GALNTL6: variants seen among roughly 807,000 people sequenced by gnomAD.
GALNTL6 encodes the protein polypeptide N-acetylgalactosaminyltransferase like 6, also known as polypeptide N-acetylgalactosaminyltransferase-like 6.
Under a neutral mutation model 73.7 loss-of-function variants are expected in GALNTL6, and 46 were observed. The ratio of observed to expected loss-of-function variants is 0.62; its 90% CI spans 0.49 to 0.80. The LOEUF (loss-of-function observed/expected upper bound fraction) is 0.80, where lower values mean the gene tolerates loss of function less well. Among genes scored for constraint, GALNTL6 ranks in the 30% least tolerant of loss-of-function variants. The pLI, the probability that GALNTL6 is intolerant of heterozygous loss-of-function variation, is 0.00. For synonymous variants in GALNTL6, 259 were observed against 263.7 expected, an observed-to-expected ratio of 0.98 and a Z score of 0.17; for missense variants, 604 against 755.0, an observed-to-expected ratio of 0.80 and a Z score of 2.34.
At chr4:172,874,872 A>G (rs1250980542) in intron 7 of GALNTL6, among the ~76,000 whole-genome samples, 1 of 152,168 alleles carries the variant, frequency 6.6e-6, no homozygotes, top group Non-Finnish European at 1.5e-5. Flanking sequence ...GTGTGGCTTT[A>G]GCACTCAAGC....
intron 3 of GALNTL6, among the ~76,000 whole-genome samples, chr4:172,266,810 A>C (rs769533334): frequency 3.3e-5 from 5 of 152,120 alleles, no homozygotes; most frequent in Non-Finnish European, 5.9e-5. Context: ...AATAGTGAAC[A>C]CTGTGATCTT....
At chr4:172,774,624 G>A (rs1738965077) in intron 5 of GALNTL6, among the ~76,000 whole-genome samples, 1 of 152,086 alleles carries the variant, frequency 6.6e-6, no homozygotes, top group African/African-American at 2.4e-5. Context: ...GATTTTATCT[G>A]CCAAAATGCC....
chr4:172,714,306 AACACACACACACACACAC>A (rs3084330), intron 5 of GALNTL6, among the ~76,000 whole-genome samples: 2 of 149,276 alleles, frequency 1.3e-5, no homozygotes, highest in South Asian at 2.1e-4. Flanking sequence ...TTTCACACCA[AACACACACACACACACAC>A]ACACACACAC....
intron 5 of GALNTL6, among the ~76,000 whole-genome samples, chr4:172,784,841 T>C (rs1001723190): frequency 8.5e-5 from 13 of 152,170 alleles, no homozygotes; most frequent in African/African-American, 3.1e-4. Flanking sequence ...ACAAACATAA[T>C]TGGGAATGCT....
intron 5 of GALNTL6, among the ~76,000 whole-genome samples, chr4:172,421,241 A>T (rs560468165): frequency 6.6e-6 from 1 of 152,164 alleles, no homozygotes; most frequent in African/African-American, 2.4e-5. Flanking sequence ...TATAATATTG[A>T]ATACATTTGC....
rs568417989 is a variant in GALNTL6, at chr4:171,988,650, C to T, written c.138+173932C>T. On this transcript the variant is annotated intron_variant, in intron 2 of 12. Transcript: ENST00000506823. ...ATTCTGAACTAACCTGTAAGCCTTG[C>T]CTGGTTTTAGGACAGGTAAAATGGG... 6.2e-4 allele frequency among the ~76,000 whole-genome samples: 94 copies of T among 152,156 alleles called. 1 individual carries two copies. In the South Asian group the frequency reaches 0.013, roughly 21 times the overall value.
In GALNTL6 at chr4:171,953,209, G is replaced by A. The variant is rs564116338; in HGVS notation, c.138+138491G>A. On this transcript the variant is annotated intron_variant, in intron 2 of 12. Transcript: ENST00000506823. ...ATAGAATTCTAATCAAAATTAAAAT[G>A]GTGTGCGCATGCGCACGTGTGTGTG... is the stretch of plus-strand genomic sequence containing the variant. 2.0e-5 allele frequency among the ~76,000 whole-genome samples: 3 copies of A among 148,306 alleles called. No individual in the cohort carries two copies. The South Asian group carries it at 6.5e-4, about 32-fold the overall frequency.
At chr4:172,514,110 A>G (rs1022722082) in intron 5 of GALNTL6, among the ~76,000 whole-genome samples, 2 of 152,148 alleles carry the variant, frequency 1.3e-5, no homozygotes, top group Admixed American at 1.3e-4. Context: ...GCTTGCCCTA[A>G]GGTCACCTGG....
intron 2 of GALNTL6, among the ~76,000 whole-genome samples, chr4:171,905,260 C>T (rs1737238691): frequency 6.6e-6 from 1 of 151,884 alleles, no homozygotes; most frequent in African/African-American, 2.4e-5. Context: ...ATCTCACATG[C>T]AGAGACACAC....
chr4:171,853,990 A>G (rs1325826398), intron 2 of GALNTL6, among the ~76,000 whole-genome samples: 2 of 152,152 alleles, frequency 1.3e-5, no homozygotes, highest in Non-Finnish European at 2.9e-5. Flanking sequence ...AGCACTGGAA[A>G]TAAACTAAGA....
intron 5 of GALNTL6, among the ~76,000 whole-genome samples, chr4:172,349,026 T>G (rs1741850063): frequency 6.6e-6 from 1 of 152,170 alleles, no homozygotes; most frequent in South Asian, 2.1e-4. Flanking sequence ...ATATTTGAGT[T>G]AGAACTATAA....
At chr4:172,425,803 AAAACAATTCTACTGAG>A (rs1332286610) in intron 5 of GALNTL6, among the ~76,000 whole-genome samples, 1 of 152,100 alleles carries the variant, frequency 6.6e-6, no homozygotes, top group Non-Finnish European at 1.5e-5. Flanking sequence ...AGAAGAAAAG[AAAACAATTCTACTGAG>A]AAATAATTCT....
intron 5 of GALNTL6, among the ~76,000 whole-genome samples, chr4:172,452,561 G>A (rs1732252231): frequency 2.0e-5 from 3 of 152,160 alleles, no homozygotes; most frequent in Admixed American, 2.0e-4. Flanking sequence ...AATATCTTTT[G>A]TGGATAAAAT....
intron 2 of GALNTL6, among the ~76,000 whole-genome samples, chr4:172,108,521 T>A (rs1732750670): frequency 6.6e-6 from 1 of 152,164 alleles, no homozygotes; most frequent in Non-Finnish European, 1.5e-5. Flanking sequence ...CTACTGAGTT[T>A]TTCAATTTAT....
intron 5 of GALNTL6, among the ~76,000 whole-genome samples, chr4:172,362,183 C>T (rs979611531): frequency 3.3e-5 from 5 of 152,070 alleles, no homozygotes; most frequent in African/African-American, 7.2e-5. Flanking sequence ...TTACAAAGAG[C>T]AGAGGCACTA....
Position 172,315,729 on chromosome 4 carries a change from A to G in GALNTL6, c.386+3977A>G, listed in dbSNP as rs200005348. 3.3e-5 allele frequency among the ~76,000 whole-genome samples: 5 copies of G among 151,292 alleles called. No individual in the cohort carries two copies. The East Asian group carries it at 5.9e-4, about 18-fold the overall frequency. ...ATGCAATGTTGAAAAGAATTTTACAATGAGCACTTCTGTATGACAAATGTC... is the reference window on the plus strand; with the variant it reads ...ATGCAATGTTGAAAAGAATTTTACAGTGAGCACTTCTGTATGACAAATGTC... On this transcript the variant is annotated intron_variant, in intron 4 of 12. Transcript: ENST00000506823.
intron 2 of GALNTL6, among the ~76,000 whole-genome samples, chr4:171,968,170 C>T (rs1739445882): frequency 6.6e-6 from 1 of 152,066 alleles, no homozygotes; most frequent in Admixed American, 6.6e-5. Flanking sequence ...TGCCGGAATG[C>T]CCCTTGCCAA....
At chr4:172,170,033 G>T (rs1734759895) in intron 2 of GALNTL6, among the ~76,000 whole-genome samples, 1 of 152,154 alleles carries the variant, frequency 6.6e-6, no homozygotes, top group Admixed American at 6.5e-5. Context: ...GACAAAGCAG[G>T]ACTTGGAATG....
At chr4:172,225,661 C>A (rs1320527997) in intron 2 of GALNTL6, among the ~76,000 whole-genome samples, 2 of 151,970 alleles carry the variant, frequency 1.3e-5, no homozygotes, top group Non-Finnish European at 2.9e-5. Flanking sequence ...ATGGCTGAGG[C>A]GTGAGAATTG....
Sources: gnomAD v4.1 joint callset for allele counts (sites outside exome capture counted in the v4.1 genomes callset) on GRCh38, gnomAD v4.1.1 for gene constraint, MANE v1.5 for transcripts, NCBI Gene and HGNC (gene_info 2026-07-23, HGNC 2026-07-21) for gene names.